Variants in HERC1 observed in about 807,000 individuals in gnomAD.
HERC1 encodes HECT and RLD domain containing E3 ubiquitin protein ligase family member 1.
HERC1 carries 160 observed loss-of-function variants against 554.3 expected under a neutral mutation model. The ratio of observed to expected loss-of-function variants is 0.29; its 90% confidence interval spans 0.25 to 0.33. HERC1 has a LOEUF of 0.33. HERC1 is among the 10% of genes least tolerant of loss of function. The pLI, the probability that HERC1 is intolerant of heterozygous loss-of-function variation, is 1.00. For synonymous variants in HERC1, 2,175 were observed against 2,131.7 expected (o/e 1.02, Z -0.56); for missense variants, 4,919 against 5,918.5 (o/e 0.83, Z 5.54).
At chr15:63,826,500 GA>G (rs1247466804) in intron 1 of HERC1, among the ~76,000 whole-genome samples, 1 of 151,856 alleles carries the variant, frequency 6.6e-6, no homozygotes, top group Non-Finnish European at 1.5e-5. Flanking sequence ...AATATTCTTA[GA>G]ATTTCAGTTA....
At chr15:63,822,413 C>T (rs2145786631) in intron 1 of HERC1, among the ~76,000 whole-genome samples, 1 of 152,158 alleles carries the variant, frequency 6.6e-6, no homozygotes, top group South Asian at 2.1e-4. Flanking sequence ...TGGTGAACCC[C>T]CATCTCTACT....
chr15:63,805,983 A>G (rs150707627), intron 1 of HERC1, among the ~76,000 whole-genome samples: 103 of 151,798 alleles, frequency 6.8e-4, no homozygotes, highest in African/African-American at 2.3e-3. Flanking sequence ...AATTACTTGC[A>G]GGCCCTGCCT....
rs1041698399 is a variant in HERC1, at chr15:63,623,667, C to T, written c.13611+58G>A. 5 of 1,527,720 alleles carry T rather than the reference C, an allele frequency of 3.3e-6. No individual in the cohort carries two copies. In the African/African-American group the frequency reaches 4.1e-5, roughly 13 times the overall value. 94.6% of individuals were successfully genotyped at this position (1,527,720 alleles called of 1,614,324 possible). On this transcript the variant is annotated intron_variant, in intron 73 of 77. Transcript: ENST00000443617. The stretch of plus-strand genomic sequence containing the variant: ...TGCCTGGCAGAGTGATCACTGGAAA[C>T]AGCAAAATGGCCACTAGCAGACTAG...
chr15:63,706,430 A>G (rs2073010144), intron 25 of HERC1, among the ~76,000 whole-genome samples: 1 of 152,154 alleles, frequency 6.6e-6, no homozygotes, highest in Non-Finnish European at 1.5e-5. Context: ...GAGCTAAAAC[A>G]TGGAAAATTT....
rs1273833947 is a variant in HERC1, at chr15:63,789,805, T to TAAATAAATAAATAAAC, written c.-26-14157_-26-14156insGTTTATTTATTTATTT. Among the ~76,000 whole-genome samples the TAAATAAATAAATAAAC allele has an allele frequency of 3.0e-5, 4 of 134,742 alleles. No homozygotes were observed. In the East Asian group the frequency reaches 8.0e-4, roughly 27 times the overall value. 88.4% of individuals were successfully genotyped at this position (134,742 alleles called of 152,430 possible). A position where few individuals can be genotyped will look rare whatever the true frequency, so the allele number is the denominator to read the frequency against. ...CGACCAAGCGAGCCCTGTCTCAAAA[T>TAAATAAATAAATAAAC]AAATAAATAAATAAATAAATAAATA... On this transcript the variant is annotated intron_variant, in intron 1 of 77. Coordinates refer to ENST00000443617, the MANE Select transcript of HERC1 (RefSeq NM_003922.4).
At chr15:63,649,107 G>C (rs146738321) in intron 54 of HERC1, among the ~76,000 whole-genome samples, 1,855 of 152,166 alleles carry the variant, frequency 0.012, 21 homozygotes, top group Middle Eastern at 0.02. Context: ...GTAATCCCAG[G>C]ACTTTGGGAG....
chr15:63,698,074 C>T (rs1051784283), intron 26 of HERC1, among the ~76,000 whole-genome samples: 68 of 152,114 alleles, frequency 4.5e-4, no homozygotes, highest in African/African-American at 1.4e-3. Context: ...CTGTGAGGTT[C>T]TAACCTGAAG....
At chr15:63,728,503 C>T (rs1160730110) in intron 16 of HERC1, among the ~76,000 whole-genome samples, 1 of 152,028 alleles carries the variant, frequency 6.6e-6, no homozygotes, top group Non-Finnish European at 1.5e-5. Flanking sequence ...TCACAGTGTT[C>T]CCTTCTTTCT....
intron 1 of HERC1, among the ~76,000 whole-genome samples, chr15:63,806,018 C>CCAAAAGT (rs2077128083): frequency 6.6e-6 from 1 of 151,980 alleles, no homozygotes; most frequent in East Asian, 1.9e-4. Flanking sequence ...GCTGGTATTC[C>CCAAAAGT]CAAAAGTTCT....
chr15:63,766,212 C>T (rs1221570631), intron 2 of HERC1, among the ~76,000 whole-genome samples: 11 of 150,968 alleles, frequency 7.3e-5, no homozygotes, highest in Admixed American at 7.3e-4. Flanking sequence ...TTAACTTCAT[C>T]AATATTAATC....
chr15:63,730,963 T>C (rs376299394), intron 14 of HERC1, among the ~76,000 whole-genome samples: 3 of 152,338 alleles, frequency 2.0e-5, no homozygotes, highest in East Asian at 3.9e-4. Flanking sequence ...AAGTGACTGC[T>C]ACTATAATAT....
At chr15:63,796,551 T>C (rs2076818955) in intron 1 of HERC1, among the ~76,000 whole-genome samples, 1 of 152,194 alleles carries the variant, frequency 6.6e-6, no homozygotes, top group Admixed American at 6.5e-5. Context: ...AGAAAGTTTA[T>C]TTTGCCAAGG....
intron 57 of HERC1, among the ~76,000 whole-genome samples, chr15:63,644,208 T>A (rs1407167149): frequency 6.6e-6 from 1 of 152,240 alleles, no homozygotes; most frequent in East Asian, 1.9e-4. Context: ...TAATACTATA[T>A]GTATTCACTA....
At chr15:63,735,153 C>G (rs2074445131) in intron 12 of HERC1, among the ~76,000 whole-genome samples, 1 of 152,094 alleles carries the variant, frequency 6.6e-6, no homozygotes, top group Non-Finnish European at 1.5e-5. Context: ...CAGACAAAAT[C>G]TCTGCTTTCA....
rs777664514 is a variant in HERC1 at position 63,640,161 on chromosome 15, T to C, written c.11892A>G (p.Val3964=). Residue 3964 remains valine, a synonymous_variant, in exon 61 of 78, where the codon GTA becomes GTG. Coordinates refer to ENST00000443617, the MANE Select transcript of HERC1 (RefSeq NM_003922.4). ...DLEPVPEDEL[V]FLMDNSKWIN... ...CTCACAGTACATTTACCATTAGAAATACAAGTTCATCCTCTGGAACAGGTT... is the reference window on the plus strand; with the variant it reads ...CTCACAGTACATTTACCATTAGAAACACAAGTTCATCCTCTGGAACAGGTT... 2.1e-5 allele frequency: 34 copies of C among 1,613,402 alleles called. No individual in the cohort carries two copies. In the East Asian group the frequency reaches 7.3e-4, roughly 35 times the overall value.
intron 1 of HERC1, among the ~76,000 whole-genome samples, chr15:63,797,298 T>C (rs1231227163): frequency 6.6e-6 from 1 of 152,220 alleles, no homozygotes; most frequent in Non-Finnish European, 1.5e-5. Context: ...AAGACAAGTA[T>C]AGCTTCTTCT....
intron 1 of HERC1, 68 bp downstream of exon 1, chr15:63,833,759 A>G (rs1458703726): frequency 1.3e-4 from 18 of 139,918 alleles, no homozygotes; most frequent in African/African-American, 3.4e-4. Flanking sequence ...GCGCGCACAC[A>G]CACACACACA....
chr15:63,832,358 C>T (rs567773286), intron 1 of HERC1, among the ~76,000 whole-genome samples: 2 of 152,114 alleles, frequency 1.3e-5, no homozygotes, highest in Admixed American at 6.5e-5. Context: ...CTTGTATAAA[C>T]GCAGGCTATG....
At chr15:63,832,295 A>T (rs917005921) in intron 1 of HERC1, among the ~76,000 whole-genome samples, 4 of 152,116 alleles carry the variant, frequency 2.6e-5, no homozygotes, top group Admixed American at 1.3e-4. Context: ...GTGTCTCTAT[A>T]CATATATACG....
Sources: allele counts gnomAD v4.1 joint callset (sites outside exome capture counted in the v4.1 genomes callset), GRCh38; gene constraint gnomAD v4.1.1; transcripts MANE v1.5; gene names NCBI Gene and HGNC (gene_info 2026-07-23, HGNC 2026-07-21).